SLC25A12: variants seen among roughly 807,000 people sequenced by gnomAD.
SLC25A12 encodes solute carrier family 25 member 12.
In SLC25A12, 32 loss-of-function variants were observed where a neutral mutation model predicts 83.3. That is an observed-to-expected ratio of 0.38 (90% CI 0.29 to 0.52). SLC25A12 has a LOEUF of 0.52. SLC25A12 is among the 20% of genes least tolerant of loss of function. The probability of loss-of-function intolerance (pLI) is 0.84; values close to 1 mark genes in which losing one functional copy is unlikely to be tolerated. For missense variants in SLC25A12, 611 were observed against 835.6 expected, an observed-to-expected ratio of 0.73 and a Z score of 3.31; for synonymous variants, 267 against 291.1, an observed-to-expected ratio of 0.92 and a Z score of 0.84.
intron 4 of SLC25A12, among the ~76,000 whole-genome samples, chr2:171,853,146 A>G (rs542517786): frequency 1.3e-5 from 2 of 152,294 alleles, no homozygotes; most frequent in African/African-American, 4.8e-5. Flanking sequence ...TTGGGAGTTG[A>G]GACTACAGGT....
At position 171,834,011 on chromosome 2, in the gene SLC25A12, A is replaced by G; in HGVS notation, c.797T>C (p.Leu266Pro). The G allele has an allele frequency of 6.2e-7, 1 of 1,610,320 alleles. No individual in the cohort carries two copies. Residue 266 changes from leucine to proline, a missense_variant, in exon 8 of 18, where the codon CTA (leucine) becomes CCA (proline). By Grantham distance (98) the Leu-to-Pro change is moderately conservative. Around this residue, in one of 3 missense-constraint regions of SLC25A12, gnomAD observed 540 missense variants for 777.5 expected, o/e 0.69. Coordinates refer to ENST00000422440, the MANE Select transcript of SLC25A12 (RefSeq NM_003705.5). ...AAGCTGATATAGAATATCAATTTCT[A>G]GTGGTGTGACTTGTCCATAGCGTAT... ...SAIRYGQVTPLEIDILYQLAD... is the reference protein window; with the variant it reads ...SAIRYGQVTPPEIDILYQLAD...
chr2:171,790,058 G>T (rs1198178602), intron 15 of SLC25A12, among the ~76,000 whole-genome samples: 3 of 152,190 alleles, frequency 2.0e-5, no homozygotes, highest in Admixed American at 2.0e-4. Flanking sequence ...AATAAGGGCG[G>T]TAAGTTCCCT....
intron 2 of SLC25A12, among the ~76,000 whole-genome samples, chr2:171,892,602 A>C (rs1437256684): frequency 6.6e-6 from 1 of 152,144 alleles, no homozygotes; most frequent in African/African-American, 2.4e-5. Flanking sequence ...CAAAAAACTA[A>C]GCCAACCTTT....
intron 3 of SLC25A12, among the ~76,000 whole-genome samples, chr2:171,867,697 C>G (rs921502657): frequency 6.6e-6 from 1 of 152,104 alleles, no homozygotes; most frequent in Non-Finnish European, 1.5e-5. Flanking sequence ...TACACTAACC[C>G]GTAAGTCACA....
At chr2:171,877,073 G>A (rs1685589197) in intron 2 of SLC25A12, among the ~76,000 whole-genome samples, 1 of 152,146 alleles carries the variant, frequency 6.6e-6, no homozygotes, top group Admixed American at 6.6e-5. Flanking sequence ...TAGTTAGCAT[G>A]TGCTCAGGAA....
intron 5 of SLC25A12, 30 bp from the exon 6 acceptor site, chr2:171,837,297 G>A (rs1684580253): frequency 5.6e-6 from 9 of 1,613,004 alleles, no homozygotes; most frequent in Admixed American, 1.7e-5. Flanking sequence ...AGGGCATTAA[G>A]CTGGTTAAAC....
intron 3 of SLC25A12, among the ~76,000 whole-genome samples, chr2:171,863,529 C>CAAA (rs56272846): frequency 7.8e-6 from 1 of 128,390 alleles, no homozygotes; most frequent in Non-Finnish European, 1.7e-5. Flanking sequence ...CCGTCTCCGA[C>CAAA]AAAAAAAAAA....
intron 3 of SLC25A12, among the ~76,000 whole-genome samples, chr2:171,865,842 C>CA (rs869047261): frequency 2.0e-5 from 3 of 150,870 alleles, no homozygotes; most frequent in African/African-American, 4.9e-5. Context: ...ATTATTTTTC[C>CA]AAAAAAAAAA....
chr2:171,819,794 T>A (rs1684145442), intron 9 of SLC25A12, among the ~76,000 whole-genome samples: 1 of 151,980 alleles, frequency 6.6e-6, no homozygotes, highest in Admixed American at 6.6e-5. Context: ...TCAAAGAAGG[T>A]CCACAGAAAT....
intron 3 of SLC25A12, among the ~76,000 whole-genome samples, chr2:171,859,695 G>C (rs923176213): frequency 1.3e-5 from 2 of 152,152 alleles, no homozygotes; most frequent in African/African-American, 4.8e-5. Context: ...AAAGAGAATG[G>C]GGAGTCATTA....
chr2:171,848,016 T>A (rs1005025876), intron 4 of SLC25A12, among the ~76,000 whole-genome samples: 6 of 152,212 alleles, frequency 3.9e-5, no homozygotes, highest in Non-Finnish European at 8.8e-5. Flanking sequence ...GAAATACACA[T>A]TAAATCATAT....
intron 13 of SLC25A12, among the ~76,000 whole-genome samples, chr2:171,797,507 T>C (rs947658884): frequency 6.6e-6 from 1 of 152,210 alleles, no homozygotes; most frequent in Non-Finnish European, 1.5e-5. Context: ...CATACTCTAT[T>C]GTACCTTTTA....
At chr2:171,829,659 A>G (rs1684388430) in intron 8 of SLC25A12, among the ~76,000 whole-genome samples, 1 of 152,240 alleles carries the variant, frequency 6.6e-6, no homozygotes, top group South Asian at 2.1e-4. Flanking sequence ...CAATGTAAAG[A>G]AAAAGCTAGG....
chr2:171,868,611 G>T (rs1340032161), intron 3 of SLC25A12, 70 bp downstream of exon 3: 2 of 1,495,854 alleles, frequency 1.3e-6, no homozygotes, highest in Admixed American at 1.7e-5. Flanking sequence ...ACTGTGCCCA[G>T]CTGGTTTTTT....
intron 10 of SLC25A12, among the ~76,000 whole-genome samples, chr2:171,814,907 G>A (rs1289900930): frequency 6.6e-6 from 1 of 152,172 alleles, no homozygotes; most frequent in Non-Finnish European, 1.5e-5. Flanking sequence ...CATCATTACA[G>A]AGGTTCTGTC....
chr2:171,852,037 C>G (rs1402264681), intron 4 of SLC25A12, among the ~76,000 whole-genome samples: 1 of 152,180 alleles, frequency 6.6e-6, no homozygotes, highest in South Asian at 2.1e-4. Flanking sequence ...TGCCACCTGA[C>G]AGTAACAGAT....
intron 13 of SLC25A12, among the ~76,000 whole-genome samples, chr2:171,803,682 AG>A (rs1265312817): frequency 6.6e-6 from 1 of 152,212 alleles, no homozygotes; most frequent in African/African-American, 2.4e-5. Flanking sequence ...GCTACTCAGG[AG>A]GATGGGGCAG....
At chr2:171,815,543 A>G (rs1684034538) in intron 9 of SLC25A12, among the ~76,000 whole-genome samples, 1 of 152,230 alleles carries the variant, frequency 6.6e-6, no homozygotes, top group Admixed American at 6.5e-5. Context: ...TGAATCTTTC[A>G]GGTAAACAAG....
intron 15 of SLC25A12, 74 bp from the exon 16 acceptor site, chr2:171,788,021 T>C (rs999073903): frequency 2.4e-5 from 36 of 1,484,392 alleles, no homozygotes; most frequent in Non-Finnish European, 3.3e-5. Flanking sequence ...ACATCTACTA[T>C]AGAGCCTGCA....
Sources: gnomAD v4.1 joint callset for allele counts (sites outside exome capture counted in the v4.1 genomes callset) on GRCh38, gnomAD v4.1.1 for gene constraint, gnomAD v4.1.1 regional missense constraint, MANE v1.5 for transcripts, NCBI Gene and HGNC (gene_info 2026-07-23, HGNC 2026-07-21) for gene names.